Variants in RGS5 observed in about 807,000 individuals in gnomAD.
RGS5 encodes regulator of G protein signaling 5.
RGS5 carries 20 observed loss-of-function variants against 18.9 expected under a neutral mutation model. That is an observed-to-expected ratio of 1.06 (90% confidence interval 0.74 to 1.54). The LOEUF is 1.54. Among genes scored for constraint, RGS5 ranks in the 40% most tolerant of loss-of-function variants. The pLI, the probability that RGS5 is intolerant of heterozygous loss-of-function variation, is 0.00. For synonymous variants in RGS5, 57 were observed against 76.2 expected, an observed-to-expected ratio of 0.75 and a Z score of 1.31; for missense variants, 201 against 211.8, an observed-to-expected ratio of 0.95 and a Z score of 0.32.
At chr1:163,229,208 T>C (rs555138247) in intron 2 of RGS5, among the ~76,000 whole-genome samples, 3 of 152,286 alleles carry the variant, frequency 2.0e-5, no homozygotes, top group Admixed American at 2.0e-4. Context: ...TGACACACAG[T>C]TCCATATCGC....
chr1:163,174,062 C>A (rs1372511554), intron 1 of RGS5, among the ~76,000 whole-genome samples: 1 of 152,072 alleles, frequency 6.6e-6, no homozygotes, highest in Non-Finnish European at 1.5e-5. Flanking sequence ...GACAACAGAG[C>A]AAGACTCCAT....
rs115423931 is a variant in RGS5 at position 163,277,660 on chromosome 1, G to T, written c.-281+28573C>A. On this transcript the variant is annotated intron_variant, in intron 2 of 5. Coordinates refer to the RGS5 transcript ENST00000618415. ...AATAAAGTCCAACCTAGTAAGTCCT[G>T]TGTCTCATTCATTGTCTCTGGGTCT... Among the ~76,000 whole-genome samples, 333 of 152,256 alleles carry T rather than the reference G, an allele frequency of 2.2e-3. 1 individual carries two copies. Among genetic ancestry groups the T allele is most frequent in the African/African-American group, 7.9e-3 (327 of 41,554 alleles).
At chr1:163,278,502 A>G (rs1648914098) in intron 2 of RGS5, among the ~76,000 whole-genome samples, 1 of 152,160 alleles carries the variant, frequency 6.6e-6, no homozygotes, top group South Asian at 2.1e-4. Context: ...AAATAAAAGA[A>G]TGATCTCTAT....
At chr1:163,165,763 G>A (rs997898542) in intron 2 of RGS5, among the ~76,000 whole-genome samples, 3 of 152,062 alleles carry the variant, frequency 2.0e-5, no homozygotes, top group African/African-American at 4.8e-5. Context: ...AAAATTAGCC[G>A]GGCGTGGTGG....
chr1:163,302,167 G>C (rs1649570164), intron 2 of RGS5, among the ~76,000 whole-genome samples: 1 of 152,120 alleles, frequency 6.6e-6, no homozygotes, highest in Admixed American at 6.5e-5. Flanking sequence ...AGAATAAGTA[G>C]TAAGTAAACA....
chr1:163,301,723 C>A (rs1182759447), intron 2 of RGS5, among the ~76,000 whole-genome samples: 1 of 152,154 alleles, frequency 6.6e-6, no homozygotes, highest in Non-Finnish European at 1.5e-5. Context: ...AGCCCCCGTG[C>A]TTTGTTATTC....
At chr1:163,158,761 C>T (rs183579416) in intron 3 of RGS5, among the ~76,000 whole-genome samples, 150 of 152,236 alleles carry the variant, frequency 9.9e-4, no homozygotes, top group Middle Eastern at 3.4e-3. Flanking sequence ...AATGAAGTTT[C>T]GGGCACGCAT....
In RGS5 at chr1:163,168,296, C is replaced by T. The variant is rs147337729; in HGVS notation, c.117G>A (p.Pro39=). 479 of 1,613,746 alleles carry T rather than the reference C, an allele frequency of 3.0e-4. 2 individuals are homozygous for T. Among genetic ancestry groups the T allele is most frequent in the East Asian group, 2.2e-3 (98 of 44,862 alleles). ...CTGGTTTCTCTGGCTTCTCATTGTA[C>T]GGAATGACAAGGTCACCAACTGAGT... ...KPDSVGDLVI[P]YNEKPEKPAK... is the part of the protein sequence containing the mutation. Residue 39 remains proline, a synonymous_variant, in exon 2 of 5, where the codon CCG becomes CCA. Coordinates refer to ENST00000313961, the MANE Select transcript of RGS5 (RefSeq NM_003617.4).
chr1:163,307,120 A>T (rs1649722477), intron 1 of RGS5, among the ~76,000 whole-genome samples: 1 of 152,214 alleles, frequency 6.6e-6, no homozygotes, highest in South Asian at 2.1e-4. Context: ...GGGCTGAAAC[A>T]GAGGGAAGAC....
intron 1 of RGS5, among the ~76,000 whole-genome samples, chr1:163,311,000 G>A (rs1358761141): frequency 6.6e-6 from 1 of 152,128 alleles, no homozygotes; most frequent in East Asian, 1.9e-4. Flanking sequence ...GAACAGAAGG[G>A]GGGAAATCAC....
At chr1:163,283,449 T>A (rs879870111) in intron 2 of RGS5, among the ~76,000 whole-genome samples, 1 of 152,182 alleles carries the variant, frequency 6.6e-6, no homozygotes, top group Admixed American at 6.5e-5. Context: ...GAATAATAAT[T>A]ATCTCTTTAC....
At chr1:163,188,991 A>G (rs1659220134) in intron 1 of RGS5, among the ~76,000 whole-genome samples, 2 of 149,474 alleles carry the variant, frequency 1.3e-5, no homozygotes, top group Non-Finnish European at 1.5e-5. Flanking sequence ...TAAGGTTGTA[A>G]GGTCTGTCAT....
intron 2 of RGS5, among the ~76,000 whole-genome samples, chr1:163,252,707 T>C (rs1380746683): frequency 6.6e-6 from 1 of 152,184 alleles, no homozygotes. Flanking sequence ...ATTGGTACTT[T>C]GCTTGGGGCT....
intron 2 of RGS5, among the ~76,000 whole-genome samples, chr1:163,254,425 G>A (rs1167761019): frequency 6.6e-6 from 1 of 152,084 alleles, no homozygotes; most frequent in Non-Finnish European, 1.5e-5. Context: ...TTTTTCATGT[G>A]TTTTTTGGCT....
At chr1:163,283,219 C>T (rs927346427) in intron 2 of RGS5, among the ~76,000 whole-genome samples, 1 of 152,120 alleles carries the variant, frequency 6.6e-6, no homozygotes, top group African/African-American at 2.4e-5. Flanking sequence ...TGTTCTGTAA[C>T]ACTGCAGGGA....
intron 1 of RGS5, among the ~76,000 whole-genome samples, chr1:163,180,463 C>T (rs1032528448): frequency 2.8e-4 from 43 of 152,260 alleles, no homozygotes; most frequent in African/African-American, 7.2e-4. Flanking sequence ...TCTGTGTTAA[C>T]CACAGTAGTT....
At chr1:163,158,684 G>C (rs1020843231) in intron 3 of RGS5, among the ~76,000 whole-genome samples, 2 of 152,124 alleles carry the variant, frequency 1.3e-5, no homozygotes, top group African/African-American at 4.8e-5. Flanking sequence ...ATATCACGAG[G>C]CAAATGGAGG....
chr1:163,311,346 C>A (rs1044569725), intron 1 of RGS5, among the ~76,000 whole-genome samples: 3 of 152,214 alleles, frequency 2.0e-5, no homozygotes, highest in Admixed American at 2.0e-4. Context: ...GCTTTCTTAT[C>A]ATTTGTGTGT....
intron 2 of RGS5, among the ~76,000 whole-genome samples, chr1:163,253,436 G>A (rs900368156): frequency 2.8e-4 from 42 of 148,930 alleles, no homozygotes; most frequent in Non-Finnish European, 3.0e-4. Flanking sequence ...AGCCTCCCAT[G>A]TAGTTGGGAT....
Sources: gnomAD v4.1 joint callset for allele counts (sites outside exome capture counted in the v4.1 genomes callset) on GRCh38, gnomAD v4.1.1 for gene constraint, MANE v1.5 for transcripts, NCBI Gene and HGNC (gene_info 2026-07-23, HGNC 2026-07-21) for gene names.